The following DISC1 variants were observed in gnomAD, a reference collection of about 807,000 sequenced individuals.
DISC1 encodes the protein DISC1 scaffold protein, also known as disrupted in schizophrenia 1 protein.
Under a neutral mutation model 84.5 loss-of-function variants are expected in DISC1, and 57 were observed. The ratio of observed to expected loss-of-function variants is 0.67; its 90% CI spans 0.55 to 0.84. The LOEUF is 0.84. Ranked by LOEUF, DISC1 falls within the 40% of genes least tolerant of loss-of-function variation. The probability of loss-of-function intolerance (pLI) is 0.00; values close to 1 mark genes in which losing one functional copy is unlikely to be tolerated. For synonymous variants in DISC1, 411 were observed against 415.2 expected (o/e 0.99, Z 0.12); for missense variants, 1,000 against 1,057.8 (o/e 0.95, Z 0.76).
intron 8 of DISC1, among the ~76,000 whole-genome samples, chr1:231,817,210 G>C (rs147752971): frequency 1.1e-3 from 169 of 152,212 alleles, no homozygotes; most frequent in African/African-American, 4.0e-3. Flanking sequence ...TCAGCCTCTT[G>C]AGTAGCTGGG....
chr1:231,978,585 A>G (rs1407696594), intron 10 of DISC1, among the ~76,000 whole-genome samples: 1 of 152,176 alleles, frequency 6.6e-6, no homozygotes, highest in Non-Finnish European at 1.5e-5. Context: ...ATGTATGTGC[A>G]TTAGTAGGAA....
At chr1:232,032,517 GA>G (rs1670146294) in intron 12 of DISC1, among the ~76,000 whole-genome samples, 1 of 152,168 alleles carries the variant, frequency 6.6e-6, no homozygotes, top group Non-Finnish European at 1.5e-5. Context: ...AGGAGGTACA[GA>G]ATGGCCTTGG....
rs146512250 is a variant in DISC1 at position 231,960,813 on chromosome 1, C to T, written c.2042+1925C>T. 3.0e-3 allele frequency among the ~76,000 whole-genome samples: 459 copies of T among 152,342 alleles called. 4 individuals carry two copies. Among genetic ancestry groups the T allele is most frequent in the African/African-American group, 0.011 (446 of 41,586 alleles). On this transcript the variant is annotated intron_variant, in intron 10 of 12. Transcript: ENST00000439617. ...TTGAGGGCTCAGTCCCACAAGACTG[C>T]CCCACTTACAATGCCAATGGCAAGC...
chr1:231,855,233 A>G (rs2084185637), intron 9 of DISC1: 1 of 994,610 alleles, frequency 1.0e-6, no homozygotes, highest in South Asian at 4.3e-5. Context: ...TTCACTTTAC[A>G]CTGTACTGTA....
At chr1:232,023,176 C>T (rs928690865) in intron 11 of DISC1, among the ~76,000 whole-genome samples, 1 of 152,030 alleles carries the variant, frequency 6.6e-6, no homozygotes, top group African/African-American at 2.4e-5. Flanking sequence ...CATAATACTG[C>T]CCCACAAATA....
intron 7 of DISC1, among the ~76,000 whole-genome samples, chr1:231,799,602 G>T (rs1409266645): frequency 6.6e-6 from 1 of 151,912 alleles, no homozygotes; most frequent in Non-Finnish European, 1.5e-5. Flanking sequence ...CAGTCTGGAA[G>T]GGTATGAGTG....
At chr1:232,028,255 T>C (rs1669665084) in intron 12 of DISC1, among the ~76,000 whole-genome samples, 1 of 152,114 alleles carries the variant, frequency 6.6e-6, no homozygotes, top group African/African-American at 2.4e-5. Context: ...TCAATGGATA[T>C]GAAGGGGTTC....
intron 6 of DISC1, among the ~76,000 whole-genome samples, chr1:231,793,198 C>A (rs538288837): frequency 7.9e-5 from 12 of 152,176 alleles, no homozygotes; most frequent in Non-Finnish European, 5.9e-5. Flanking sequence ...CGATACTTGG[C>A]AACCTCTGGT....
At chr1:231,855,056 A>C (rs1460990038) in intron 9 of DISC1, 1 of 997,276 alleles carries the variant, frequency 1.0e-6, no homozygotes, top group Non-Finnish European at 1.2e-6. Flanking sequence ...TCAAATGAAA[A>C]ATAAGAAATT....
At chr1:231,771,554 C>T in intron 6 of DISC1, 1 of 985,390 alleles carries the variant, frequency 1.0e-6, no homozygotes, top group Non-Finnish European at 1.2e-6. Context: ...TTACCATGTA[C>T]CAGGCAGTGT....
At chr1:232,017,280 A>G (rs755453673) in intron 11 of DISC1, among the ~76,000 whole-genome samples, 4 of 152,204 alleles carry the variant, frequency 2.6e-5, no homozygotes, top group Non-Finnish European at 5.9e-5. Context: ...GTTTACCTCA[A>G]GCCAGAGGAG....
In DISC1 at chr1:231,728,365, G is replaced by A. The variant is rs531694855; in HGVS notation, c.1118-21561G>A. ...ACAGCACACAGTGCGGTAGATGTTC[G>A]GGAGGCAGCCGCCAACAAGGCACAA... On this transcript the variant is annotated intron_variant, in intron 3 of 12. Transcript: ENST00000439617. 1.8e-4 allele frequency among the ~76,000 whole-genome samples: 28 copies of A among 152,274 alleles called. 1 individual carries two copies. The East Asian group carries it at 5.2e-3, about 28-fold the overall frequency.
chr1:232,010,446 C>A (rs916788218), intron 11 of DISC1, among the ~76,000 whole-genome samples: 3 of 152,092 alleles, frequency 2.0e-5, no homozygotes, highest in African/African-American at 7.2e-5. Context: ...GTGGGGCAGT[C>A]AGAAGCCATG....
In DISC1 at chr1:231,698,030, T is replaced by C. The variant is rs1264288621; in HGVS notation, c.1047+3225T>C. Among the ~76,000 whole-genome samples, 5 of 152,158 alleles carry C rather than the reference T, an allele frequency of 3.3e-5. No homozygotes were observed. Among genetic ancestry groups the C allele is most frequent in the Admixed American group, 3.3e-4 (5 of 15,270 alleles). ...ATGGGCCTGATGGAGAAGATACAGG[T>C]GCTCCAGAAACTTTATTCAGGCATG... On this transcript the variant is annotated intron_variant, in intron 2 of 12. Transcript: ENST00000439617. This position sits in a 1 kb window ranked among gnomAD's most constrained non-coding sequence, Gnocchi z 4.9.
chr1:231,890,893 A>G (rs2126004130), intron 9 of DISC1, among the ~76,000 whole-genome samples: 1 of 152,176 alleles, frequency 6.6e-6, no homozygotes, highest in East Asian at 1.9e-4. Flanking sequence ...TGTGTTCAGC[A>G]TTTTTAATTT....
At chr1:232,036,014 C>G (rs2103071529) in intron 12 of DISC1, among the ~76,000 whole-genome samples, 1 of 152,222 alleles carries the variant, frequency 6.6e-6, no homozygotes, top group South Asian at 2.1e-4. Flanking sequence ...ACCAACCAAC[C>G]CAGAAAAAGC....
At chr1:231,957,723 G>T (rs1659762043) in intron 9 of DISC1, among the ~76,000 whole-genome samples, 1 of 152,092 alleles carries the variant, frequency 6.6e-6, no homozygotes, top group South Asian at 2.1e-4. Flanking sequence ...TATCTTTTAT[G>T]GACTAATGAA....
At chr1:231,847,305 G>A (rs974764125) in intron 9 of DISC1, among the ~76,000 whole-genome samples, 1 of 152,060 alleles carries the variant, frequency 6.6e-6, no homozygotes, top group African/African-American at 2.4e-5. Context: ...TCTTGACCTC[G>A]TTTCAATGTT....
At position 231,800,126 on chromosome 1, in the gene DISC1, T is replaced by C; in HGVS notation, c.1708T>C (p.Phe570Leu). Reference sequence around the variant, plus strand: ...CCCCTAGGTGTGTATGAGTGAGAAATTCTGCAGCACCCTGAGGAAGAAAGT... The same window carrying C: ...CCCCTAGGTGTGTATGAGTGAGAAACTCTGCAGCACCCTGAGGAAGAAAGT... ...ITTKVCMSEK[F>L]CSTLRKKVND... is the part of the protein sequence containing the mutation. Residue 570 changes from phenylalanine (F) to leucine (L), a missense_variant, in exon 8 of 13, where the codon TTC (phenylalanine) becomes CTC (leucine). Physicochemically the swap from Phe to Leu is conservative, Grantham distance 22. This residue lies in a region of DISC1 where 397 missense variants were observed against 377.5 expected (regional missense o/e 1.05). Transcript: ENST00000439617. 1 of 1,611,380 alleles carries C rather than the reference T, an allele frequency of 6.2e-7. No individual in the cohort carries two copies. The highest frequency in any genetic ancestry group is 8.5e-7 in the Non-Finnish European group (1 of 1,179,598).
Sources: allele counts gnomAD v4.1 joint callset (sites outside exome capture counted in the v4.1 genomes callset), GRCh38; gene constraint gnomAD v4.1.1; regional missense constraint gnomAD v4.1.1; non-coding constraint Gnocchi (gnomAD v3.1); transcripts MANE v1.5; gene names NCBI Gene and HGNC (gene_info 2026-07-23, HGNC 2026-07-21).